Variants in PCNX2 observed in about 807,000 individuals in gnomAD.
PCNX2 encodes the protein pecanex 2.
In PCNX2, 168 loss-of-function variants were observed where a neutral mutation model predicts 223.8. The ratio of observed to expected loss-of-function variants is 0.75; its 90% CI spans 0.66 to 0.85. The LOEUF is 0.85. Among genes scored for constraint, PCNX2 ranks in the 40% least tolerant of loss-of-function variants. The pLI is 0.00. For synonymous variants in PCNX2, 1,006 were observed against 1,052.6 expected (o/e 0.96, Z 0.86); for missense variants, 2,507 against 2,675.5 (o/e 0.94, Z 1.39).
At chr1:233,064,544 G>A (rs772995151) in intron 23 of PCNX2, among the ~76,000 whole-genome samples, 3 of 152,106 alleles carry the variant, frequency 2.0e-5, no homozygotes, top group East Asian at 1.9e-4. Context: ...TAGGACTAAC[G>A]CTTCATCACC....
At chr1:233,006,675 CAG>C (rs1670295924) in intron 28 of PCNX2, among the ~76,000 whole-genome samples, 1 of 152,160 alleles carries the variant, frequency 6.6e-6, no homozygotes, top group African/African-American at 2.4e-5. Context: ...GCAGGACTCA[CAG>C]GGGGATCTCC....
intron 2 of PCNX2, 25 bp downstream of exon 2, chr1:233,262,933 G>A (rs1014156088): frequency 1.9e-6 from 3 of 1,599,172 alleles, no homozygotes; most frequent in Non-Finnish European, 2.6e-6. Context: ...ACATTTTGAA[G>A]TGTCACATTA....
intron 25 of PCNX2, chr1:233,031,898 T>C: frequency 2.0e-6 from 2 of 985,032 alleles, no homozygotes; most frequent in Non-Finnish European, 2.4e-6. Flanking sequence ...CTATAAACAG[T>C]GAGGCATCCA....
intron 13 of PCNX2, among the ~76,000 whole-genome samples, chr1:233,202,827 G>GGCCTGT (rs1383657095): frequency 1.3e-5 from 2 of 152,160 alleles, no homozygotes; most frequent in Non-Finnish European, 2.9e-5. Flanking sequence ...AAAAAACACA[G>GGCCTGT]AGCAGAGGCC....
intron 14 of PCNX2, among the ~76,000 whole-genome samples, chr1:233,199,375 G>T (rs1207742184): frequency 2.6e-5 from 4 of 152,084 alleles, no homozygotes; most frequent in Non-Finnish European, 5.9e-5. Flanking sequence ...TAGAATAAAT[G>T]GGAAGGAGAA....
At chr1:233,104,424 C>G (rs1477863510) in intron 21 of PCNX2, among the ~76,000 whole-genome samples, 2 of 151,900 alleles carry the variant, frequency 1.3e-5, no homozygotes, top group Admixed American at 6.6e-5. Context: ...AAATAGAATA[C>G]ATAGCAGTAC....
At chr1:233,236,658 C>T (rs1239601219) in intron 9 of PCNX2, among the ~76,000 whole-genome samples, 187 bp downstream of exon 9, 1 of 152,214 alleles carries the variant, frequency 6.6e-6, no homozygotes, top group Non-Finnish European at 1.5e-5. Flanking sequence ...CCAAGGTTAG[C>T]TGCTATCTAT....
intron 1 of PCNX2, among the ~76,000 whole-genome samples, chr1:233,276,027 C>T (rs1660893436): frequency 2.3e-5 from 3 of 131,292 alleles, no homozygotes; most frequent in Admixed American, 2.2e-4. Context: ...GAGACTGTCT[C>T]CAAAAAAAAA....
At chr1:233,035,824 G>A (rs375395194) in intron 25 of PCNX2, among the ~76,000 whole-genome samples, 11 of 152,256 alleles carry the variant, frequency 7.2e-5, no homozygotes, top group South Asian at 6.2e-4. Flanking sequence ...CCCAGAGTGC[G>A]CATTACAGGC....
chr1:233,174,717 G>A (rs911402569), intron 17 of PCNX2, among the ~76,000 whole-genome samples: 2 of 152,246 alleles, frequency 1.3e-5, no homozygotes, highest in East Asian at 1.9e-4. Flanking sequence ...AATAAAGGGT[G>A]TTGAAAATGA....
intron 20 of PCNX2, among the ~76,000 whole-genome samples, chr1:233,135,685 A>G (rs1676764409): frequency 6.6e-6 from 1 of 152,110 alleles, no homozygotes; most frequent in Non-Finnish European, 1.5e-5. Context: ...GAACAGTGAC[A>G]TAACAGGTAG....
intron 19 of PCNX2, among the ~76,000 whole-genome samples, chr1:233,151,657 CTG>C (rs1677815292): frequency 6.6e-6 from 1 of 151,996 alleles, no homozygotes; most frequent in Admixed American, 6.6e-5. Flanking sequence ...GTCCCAAGTC[CTG>C]TCTTTCTATC....
chr1:233,199,551 T>C (rs1555827), intron 14 of PCNX2, among the ~76,000 whole-genome samples: 30,120 of 151,944 alleles, frequency 0.2, 3,352 homozygotes, highest in African/African-American at 0.3. Flanking sequence ...CCTATGAGGT[T>C]ATGATGTTTA....
At chr1:233,306,072 GAGTT>G in the PCNX2 span, among the ~76,000 whole-genome samples, 3 of 152,172 alleles carry the variant, frequency 2.0e-5, no homozygotes, top group Non-Finnish European at 2.9e-5. Flanking sequence ...CAAACCAAGA[GAGTT>G]AGAGTGTTTT....
Position 233,047,378 on chromosome 1 carries a change from T to C in PCNX2, c.4351+6890A>G, listed in dbSNP as rs1671858010. 4 of 985,048 alleles carry C rather than the reference T, an allele frequency of 4.1e-6. No individual in the cohort carries two copies. In the South Asian group the frequency reaches 1.4e-4, roughly 35 times the overall value. 61.0% of individuals were successfully genotyped at this position (985,048 alleles called of 1,614,324 possible). A position where few individuals can be genotyped will look rare whatever the true frequency, so the allele number is the denominator to read the frequency against. Reference sequence around the variant, plus strand: ...GCACTGCAAAATTCTAAGATCTCATTAACTTGGACCCTTTAAACTCAAAGA... The same window carrying C: ...GCACTGCAAAATTCTAAGATCTCATCAACTTGGACCCTTTAAACTCAAAGA... On this transcript the variant is annotated intron_variant, in intron 25 of 33. Coordinates refer to ENST00000258229, the MANE Select transcript of PCNX2 (RefSeq NM_014801.4).
At chr1:233,164,402 C>T (rs569977137) in intron 17 of PCNX2, among the ~76,000 whole-genome samples, 51 of 152,062 alleles carry the variant, frequency 3.4e-4, no homozygotes, top group South Asian at 2.3e-3. Flanking sequence ...AAATTGAAAA[C>T]GGAACTACCA....
chr1:233,005,065 G>A (rs1396456424), intron 28 of PCNX2, among the ~76,000 whole-genome samples: 2 of 152,210 alleles, frequency 1.3e-5, no homozygotes, highest in Non-Finnish European at 2.9e-5. Flanking sequence ...CATGAATAAT[G>A]ACCGCTACCT....
At chr1:233,045,252 C>T (rs1671786527) in intron 25 of PCNX2, among the ~76,000 whole-genome samples, 1 of 152,160 alleles carries the variant, frequency 6.6e-6, no homozygotes, top group South Asian at 2.1e-4. Flanking sequence ...AATGATGTAT[C>T]CCAATCATTG....
At chr1:233,131,774 G>C (rs1676519135) in intron 21 of PCNX2, among the ~76,000 whole-genome samples, 1 of 152,010 alleles carries the variant, frequency 6.6e-6, no homozygotes, top group African/African-American at 2.4e-5. Context: ...CCTAAGAGTG[G>C]ATTATTCAAA....
Sources: gnomAD v4.1 joint callset for allele counts (sites outside exome capture counted in the v4.1 genomes callset) on GRCh38, gnomAD v4.1.1 for gene constraint, MANE v1.5 for transcripts, NCBI Gene and HGNC (gene_info 2026-07-23, HGNC 2026-07-21) for gene names.